Variants in COP1 observed in about 807,000 individuals in gnomAD.
The protein encoded by COP1 is E3 ubiquitin-protein ligase COP1.
A neutral mutation model predicts 101.3 loss-of-function variants in COP1; 24 were observed. The observed-to-expected ratio is 0.24, with a 90% CI of 0.17 to 0.33. The LOEUF (loss-of-function observed/expected upper bound fraction) is 0.33, where lower values mean the gene tolerates loss of function less well. COP1 is among the 10% of genes least tolerant of loss of function. The pLI is 1.00. For synonymous variants in COP1, 347 were observed against 341.9 expected (o/e 1.01, Z -0.17); for missense variants, 663 against 906.2 (o/e 0.73, Z 3.45).
intron 11 of COP1, among the ~76,000 whole-genome samples, chr1:176,079,218 C>T (rs113138284): frequency 2.0e-5 from 3 of 151,964 alleles, no homozygotes; most frequent in South Asian, 2.1e-4. Context: ...TTCACAGTAA[C>T]GAAGACATGT....
intron 2 of COP1, among the ~76,000 whole-genome samples, chr1:176,183,669 A>G (rs982743915): frequency 1.3e-5 from 2 of 152,222 alleles, no homozygotes; most frequent in Non-Finnish European, 2.9e-5. Flanking sequence ...TCACAGCAGC[A>G]TTATTCATAG....
intron 18 of COP1, among the ~76,000 whole-genome samples, chr1:175,950,396 ATAAAT>A (rs993849218): frequency 6.6e-6 from 1 of 152,198 alleles, no homozygotes; most frequent in African/African-American, 2.4e-5. Context: ...TTGGCTTAAG[ATAAAT>A]TATTTTTTTT....
Position 176,048,459 on chromosome 1 carries a change from T to C in COP1, c.1278-2135A>G, listed in dbSNP as rs570667342. Among the ~76,000 whole-genome samples, 19 of 152,328 alleles carry C rather than the reference T, an allele frequency of 1.2e-4. 1 individual carries two copies. Among genetic ancestry groups the C allele is most frequent in the African/African-American group, 2.2e-4 (9 of 41,582 alleles). On this transcript the variant is annotated intron_variant, in intron 11 of 19. Coordinates refer to ENST00000367669, the MANE Select transcript of COP1 (RefSeq NM_022457.7). ...AGTAGATTTATTTGTACAACCTCAA[T>C]TGAACTGCTGCCTCAGCTACTACTT... is the stretch of plus-strand genomic sequence containing the variant.
At chr1:176,177,229 T>C (rs1034419492) in intron 2 of COP1, among the ~76,000 whole-genome samples, 11 of 151,970 alleles carry the variant, frequency 7.2e-5, no homozygotes, top group African/African-American at 2.7e-4. Flanking sequence ...TTTCTTACAT[T>C]ATATATTTCT....
At chr1:176,165,782 C>A (rs753162838) in intron 3 of COP1, among the ~76,000 whole-genome samples, 2 of 152,074 alleles carry the variant, frequency 1.3e-5, no homozygotes, top group Non-Finnish European at 2.9e-5. Flanking sequence ...GGATTAAGAA[C>A]TAAGCCTGGA....
rs371033790 is a variant in COP1 at position 176,006,118 on chromosome 1, G to C, written c.1730-16639C>G. Among the ~76,000 whole-genome samples the C allele has an allele frequency of 1.8e-3, 271 of 152,126 alleles. 3 individuals are homozygous for C. The highest frequency in any genetic ancestry group is 5.2e-3 in the African/African-American group (217 of 41,512). On this transcript the variant is annotated intron_variant, in intron 15 of 19. Coordinates refer to ENST00000367669, the MANE Select transcript of COP1 (RefSeq NM_022457.7). ...CATTATGTAATGGCCTTCTTTGTCT[G>C]TTTTGATCTTTGTTGGTTTAAAGTC...
At chr1:176,098,608 G>C (rs977304244) in intron 9 of COP1, among the ~76,000 whole-genome samples, 1 of 152,126 alleles carries the variant, frequency 6.6e-6, no homozygotes, top group Non-Finnish European at 1.5e-5. Context: ...TGTAAACTAA[G>C]CATTGAAATA....
intron 10 of COP1, among the ~76,000 whole-genome samples, chr1:176,084,032 A>C (rs1019674181): frequency 1.3e-5 from 2 of 152,154 alleles, no homozygotes; most frequent in South Asian, 4.1e-4. Context: ...ATTCCATACC[A>C]TATCTATGCT....
intron 15 of COP1, among the ~76,000 whole-genome samples, chr1:176,004,232 CA>C (rs2148890334): frequency 6.7e-6 from 1 of 148,700 alleles, no homozygotes; most frequent in Admixed American, 6.8e-5. Context: ...AGTTGCTTAT[CA>C]GCTTAAGGAG....
At chr1:176,168,478 A>G (rs1328461960) in intron 3 of COP1, among the ~76,000 whole-genome samples, 1 of 102,930 alleles carries the variant, frequency 9.7e-6, no homozygotes, top group Non-Finnish European at 1.9e-5. Flanking sequence ...GGAAGGGAGG[A>G]AGGCAGGAAG....
intron 18 of COP1, among the ~76,000 whole-genome samples, chr1:175,970,235 C>T: frequency 6.6e-6 from 1 of 151,846 alleles, no homozygotes; most frequent in South Asian, 2.1e-4. Flanking sequence ...AACCAGAAAC[C>T]AAGGAGATAA....
chr1:176,196,482 A>G (rs1699712595), intron 1 of COP1, among the ~76,000 whole-genome samples: 1 of 152,224 alleles, frequency 6.6e-6, no homozygotes, highest in African/African-American at 2.4e-5. Context: ...TATTATGCCA[A>G]TAAATTCAGC....
At chr1:176,053,185 C>T (rs1481108195) in intron 11 of COP1, among the ~76,000 whole-genome samples, 1 of 152,162 alleles carries the variant, frequency 6.6e-6, no homozygotes, top group Non-Finnish European at 1.5e-5. Context: ...CTAAATGCTC[C>T]CCTTGCTTTC....
intron 15 of COP1, among the ~76,000 whole-genome samples, chr1:176,007,195 C>T (rs577780671): frequency 1.3e-5 from 2 of 152,258 alleles, no homozygotes; most frequent in South Asian, 4.1e-4. Context: ...TCAGCTCCAT[C>T]AGCTCCTTTA....
intron 1 of COP1, among the ~76,000 whole-genome samples, chr1:176,195,286 T>C (rs763571384): frequency 1.3e-5 from 2 of 152,032 alleles, no homozygotes; most frequent in Non-Finnish European, 2.9e-5. Context: ...GATAAGGAGA[T>C]CAATTCACCA....
intron 15 of COP1, among the ~76,000 whole-genome samples, chr1:175,995,376 G>A (rs1260895740): frequency 6.6e-6 from 1 of 151,700 alleles, no homozygotes; most frequent in Non-Finnish European, 1.5e-5. Flanking sequence ...GCTAGCAGAA[G>A]GCAAAAAATA....
At chr1:175,994,635 A>G (rs560934010) in intron 15 of COP1, among the ~76,000 whole-genome samples, 39 of 151,740 alleles carry the variant, frequency 2.6e-4, no homozygotes, top group African/African-American at 9.4e-4. Context: ...ACAAAGATCA[A>G]AACAGACAAA....
chr1:175,971,762 A>G (rs1653286526), intron 18 of COP1, among the ~76,000 whole-genome samples: 1 of 152,214 alleles, frequency 6.6e-6, no homozygotes, highest in African/African-American at 2.4e-5. Flanking sequence ...TAATGTTCCA[A>G]TTAATAATGA....
intron 18 of COP1, among the ~76,000 whole-genome samples, chr1:175,968,770 C>T (rs1226572986): frequency 2.0e-5 from 3 of 152,212 alleles, no homozygotes; most frequent in Non-Finnish European, 2.9e-5. Flanking sequence ...ACAACACATA[C>T]ATTCATCATT....
Sources: allele counts gnomAD v4.1 joint callset (sites outside exome capture counted in the v4.1 genomes callset), GRCh38; gene constraint gnomAD v4.1.1; transcripts MANE v1.5; gene names NCBI Gene and HGNC (gene_info 2026-07-23, HGNC 2026-07-21).